GRIN3B: variants seen among roughly 807,000 people sequenced by gnomAD.
GRIN3B encodes the protein glutamate receptor ionotropic, NMDA 3B.
A neutral mutation model predicts 66.0 loss-of-function variants in GRIN3B; 77 were observed. The ratio of observed to expected loss-of-function variants is 1.17; its 90% CI spans 0.97 to 1.41. The LOEUF (loss-of-function observed/expected upper bound fraction) is 1.41. Ranked by LOEUF, GRIN3B falls within the 40% of genes most tolerant of loss-of-function variation. GRIN3B has a pLI of 0.00. For synonymous variants in GRIN3B, 823 were observed against 749.7 expected, an observed-to-expected ratio of 1.10 and a Z score of -1.60; for missense variants, 1,787 against 1,564.5, an observed-to-expected ratio of 1.14 and a Z score of -2.40.
At chr19:1,006,225 T>C (rs1022007977) in intron 3 of GRIN3B, among the ~76,000 whole-genome samples, 1 of 151,714 alleles carries the variant, frequency 6.6e-6, no homozygotes, top group African/African-American at 2.4e-5. Context: ...CTTGGCTCAC[T>C]GCAACCTCTG....
At chr19:1,002,677 G>C (rs989682134) in intron 1 of GRIN3B, 12 of 157,168 alleles carry the variant, frequency 7.6e-5, no homozygotes, top group Non-Finnish European at 1.4e-4. Context: ...AGGCAGGTGG[G>C]TGCCAGGTGA....
At position 1,009,544 on chromosome 19, in the gene GRIN3B, C is replaced by A. The variant is rs764888684; in HGVS notation, c.3074C>A (p.Ala1025Asp). 6 of 1,476,502 alleles carry A rather than the reference C, an allele frequency of 4.1e-6. No individual in the cohort carries two copies. In the South Asian group the frequency reaches 5.2e-5, roughly 13 times the overall value. 91.5% of individuals were successfully genotyped at this position (1,476,502 alleles called of 1,614,324 possible). The change falls in exon 9 of 9, where the codon GCC becomes GAC. Residue 1025 changes from alanine to aspartate, a missense_variant. Coordinates refer to ENST00000234389, the MANE Select transcript of GRIN3B (RefSeq NM_138690.3). ...CACCGGCCTCGGCGCTTGCTTCAGG[C>A]CAGAGCGGCCCCCGCGGAGGCCCCA... The part of the protein sequence containing the change: ...ARHRPRRLLQ[A>D]RAAPAEAPPH...
rs780479147 is a variant in GRIN3B, at chr19:1,008,649, G to T, written c.2498G>T (p.Gly833Val). 3 of 1,602,526 alleles carry T rather than the reference G, an allele frequency of 1.9e-6. No homozygotes were observed. Among genetic ancestry groups the T allele is most frequent in the South Asian group, 2.2e-5 (2 of 91,074 alleles). The change falls in exon 7 of 9, where the codon GGC becomes GTC. Residue 833 changes from glycine (G) to valine (V), a missense_variant. Coordinates refer to ENST00000234389, the MANE Select transcript of GRIN3B (RefSeq NM_138690.3). The stretch of plus-strand genomic sequence containing the variant: ...CAGATGAGCATCTACCACTTCGCGG[G>T]CCTCTTCGTGTTGCTGTGCCTGGGC... Reference protein sequence around the residue: ...TLQMSIYHFAGLFVLLCLGLG... With the variant: ...TLQMSIYHFAVLFVLLCLGLG...
chr19:1,004,918 C>T lies in GRIN3B; in HGVS notation c.1417C>T (p.Arg473Cys), dbSNP rs754737058. Residue 473 changes from arginine to cysteine, a missense_variant, in exon 3 of 9, where the codon CGC becomes TGC. Arg to Cys is a radical substitution (Grantham distance 180). Transcript: ENST00000234389. ...CAACGGCTCAGCGCCCCGTGCCCTG[C>T]GCAAGTGCTGCTACGGCTACTGCAT... is the stretch of plus-strand genomic sequence containing the variant. ...LANGSAPRAL[R>C]KCCYGYCIDL... is the part of the protein sequence containing the mutation. 89 of 1,611,798 alleles carry T rather than the reference C, an allele frequency of 5.5e-5. No individual in the cohort carries two copies. The highest frequency in any genetic ancestry group is 1.1e-4 in the African/African-American group (8 of 74,934).
chr19:1,003,383 G>A lies in GRIN3B; in HGVS notation c.680G>A (p.Gly227Glu), dbSNP rs764485174. The change falls in exon 2 of 9, where the codon GGG becomes GAG. Residue 227 changes from glycine to glutamate, a missense_variant. Transcript: ENST00000234389. ...CTGGCCCCGATGGCGGCGCCAGTGG[G>A]GGGTGAAGCACCGGTACCCGCGGCG... Reference protein sequence around the residue: ...ARLAPMAAPVGGEAPVPAAVL... With the variant: ...ARLAPMAAPVEGEAPVPAAVL... 21 of 1,566,900 alleles carry A rather than the reference G, an allele frequency of 1.3e-5. No individual in the cohort carries two copies. The highest frequency in any genetic ancestry group is 1.5e-5 in the Non-Finnish European group (18 of 1,161,874).
Position 1,002,802 on chromosome 19 carries a change from G to C in GRIN3B, c.427-328G>C, listed in dbSNP as rs886538880. ...TGAATAGAGGAGGAGCAATGTGCTT[G>C]GGTTTTGAAGGATGTGTAGGAGTTG... On this transcript the variant is annotated intron_variant, in intron 1 of 8. Coordinates refer to ENST00000234389, the MANE Select transcript of GRIN3B (RefSeq NM_138690.3). The C allele has an allele frequency of 4.4e-5, 12 of 271,228 alleles. No homozygotes were observed. The East Asian group carries it at 6.9e-4, about 15-fold the overall frequency. The allele number at this position is 271,228 out of a possible 1,614,324, so 16.8% of individuals were successfully genotyped here.
chr19:1,009,004 C>T, intron 8 of GRIN3B, 77 bp downstream of exon 8: 2 of 1,523,208 alleles, frequency 1.3e-6, no homozygotes, highest in Non-Finnish European at 1.8e-6. Flanking sequence ...CGAAGCCGGC[C>T]GCGGGGTGCA....
At chr19:1,006,375 G>A (rs189426034) in intron 3 of GRIN3B, among the ~76,000 whole-genome samples, 43 of 152,052 alleles carry the variant, frequency 2.8e-4, no homozygotes, top group African/African-American at 1.0e-3. Context: ...TCGAACCCCT[G>A]ACCTCGTGAT....
In GRIN3B at chr19:1,004,852, A is replaced by G. The variant is rs1455277873; in HGVS notation, c.1351A>G (p.Asn451Asp). 1.2e-6 allele frequency: 2 copies of G among 1,611,292 alleles called. No individual in the cohort carries two copies. Among genetic ancestry groups the G allele is most frequent in the Non-Finnish European group, 1.7e-6 (2 of 1,178,858 alleles). ...GCAGCTGTGCCTGGACCCTGGCACC[A>G]ACGACTCGGCCACCCTGGACGCACT... The part of the protein sequence containing the change: ...AGQLCLDPGT[N>D]DSATLDALFA... The change falls in exon 3 of 9, where the codon AAC (asparagine) becomes GAC (aspartate). Residue 451 changes from asparagine (N) to aspartate (D), a missense_variant. Asn to Asp is a conservative substitution (Grantham distance 23, BLOSUM62 1). Transcript: ENST00000234389.
In GRIN3B at chr19:1,003,322, C is replaced by T. The variant is rs375724549; in HGVS notation, c.619C>T (p.Arg207Trp). 7.4e-5 allele frequency: 116 copies of T among 1,572,666 alleles called. No individual in the cohort carries two copies. Among genetic ancestry groups the T allele is most frequent in the African/African-American group, 2.6e-4 (19 of 73,122 alleles). The part of the protein sequence containing the change: ...RPPQLVLDLS[R>W]RDTGDAGLRA... The stretch of plus-strand genomic sequence containing the variant: ...CCCACAGCTGGTCCTGGACCTAAGC[C>T]GGCGGGACACGGGAGATGCAGGACT... Residue 207 changes from arginine (R) to tryptophan (W), a missense_variant, in exon 2 of 9, where the codon CGG (arginine) becomes TGG (tryptophan). By Grantham distance (101) the Arg-to-Trp change is moderately radical. Coordinates refer to ENST00000234389, the MANE Select transcript of GRIN3B (RefSeq NM_138690.3).
At chr19:1,002,368 A>G (rs2038692872) in intron 1 of GRIN3B, among the ~76,000 whole-genome samples, 1 of 129,256 alleles carries the variant, frequency 7.7e-6, no homozygotes, top group Non-Finnish European at 1.6e-5. Flanking sequence ...AAATACAAAA[A>G]AAAAAAAAAA....
chr19:1,008,516 C>G, intron 6 of GRIN3B, 102 bp from the exon 7 acceptor site: 1 of 1,391,394 alleles, frequency 7.2e-7, no homozygotes, highest in South Asian at 1.3e-5. Context: ...CTCCACTGCC[C>G]CAAGCCCCTC....
rs1201102695 is a variant in GRIN3B at position 1,000,650 on chromosome 19, C to T, written c.213C>T (p.Ser71=). 7.7e-7 allele frequency: 1 copy of T among 1,303,770 alleles called. No individual in the cohort carries two copies. Among genetic ancestry groups the T allele is most frequent in the Non-Finnish European group, 9.8e-7 (1 of 1,023,618 alleles). The allele number at this position is 1,303,770 out of a possible 1,614,324, so 80.8% of individuals were successfully genotyped here. The change falls in exon 1 of 9, where the codon AGC becomes AGT. Residue 71 remains serine (S), a synonymous_variant. Coordinates refer to ENST00000234389, the MANE Select transcript of GRIN3B (RefSeq NM_138690.3). ...CGCCGCGGCTGCCGCACAACCTGAG[C>T]TTGGAGCTGGTGGTCGCCGCGCCCC... is the stretch of plus-strand genomic sequence containing the variant. ...ALAPRLPHNL[S]LELVVAAPPA...
Position 1,009,589 on chromosome 19 carries a change from G to T in GRIN3B, c.3119G>T (p.Gly1040Val), listed in dbSNP as rs1225297384. 7.0e-7 allele frequency: 1 copy of T among 1,436,682 alleles called. No individual in the cohort carries two copies. The highest frequency in any genetic ancestry group is 9.1e-7 in the Non-Finnish European group (1 of 1,100,688). The allele number at this position is 1,436,682 out of a possible 1,614,324, so 89.0% of individuals were successfully genotyped here. ...GCCCCACCACACTCTGGCCGACCGG[G>T]GAGCCAGGAATGAGGCGGCAGCCGG... ...AEAPPHSGRPGSQE is the reference protein window; with the variant it reads ...AEAPPHSGRPVSQE The change falls in exon 9 of 9, where the codon GGG becomes GTG. Residue 1040 changes from glycine (G) to valine (V), a missense_variant. Physicochemically the swap from Gly to Val is moderately radical, Grantham distance 109. Transcript: ENST00000234389.
At position 1,007,708 on chromosome 19, in the gene GRIN3B, C is replaced by G. The variant is rs993653927; in HGVS notation, c.2133C>G (p.Pro711=). The G allele has an allele frequency of 6.5e-7, 1 of 1,537,114 alleles. No homozygotes were observed. Among genetic ancestry groups the G allele is most frequent in the South Asian group, 1.2e-5 (1 of 82,306 alleles). ...SAEAYIKKSF[P]DMHAHMRRHS... ...AGGCGTACATCAAGAAGAGCTTCCC[C>G]GACATGCACGCACACATGCGGCGCC... The change falls in exon 4 of 9, where the codon CCC becomes CCG. Residue 711 remains proline, a synonymous_variant. Transcript: ENST00000234389. The surrounding 1 kb of genome is among the most constrained non-coding windows in gnomAD (Gnocchi z 4.4).
chr19:1,006,604 C>T (rs111436542), intron 3 of GRIN3B, among the ~76,000 whole-genome samples: 62 of 152,282 alleles, frequency 4.1e-4, no homozygotes, highest in African/African-American at 1.3e-3. Flanking sequence ...CGTGCCCGGC[C>T]TCCCCTTGTA....
chr19:1,003,616 G>C lies in GRIN3B; in HGVS notation c.913G>C (p.Gly305Arg). 6.9e-7 allele frequency: 1 copy of C among 1,448,742 alleles called. No individual in the cohort carries two copies. Among genetic ancestry groups the C allele is most frequent in the Non-Finnish European group, 9.0e-7 (1 of 1,105,338 alleles). The allele number at this position is 1,448,742 out of a possible 1,614,324, so 89.7% of individuals were successfully genotyped here. ...DIVQLVARALGSAAQVQPKRA... is the reference protein window; with the variant it reads ...DIVQLVARALRSAAQVQPKRA... ...TGTGCAACTGGTGGCCCGGGCGCTG[G>C]GCAGTGCGGCCCAGGTGCAGCCGAA... The change falls in exon 2 of 9, where the codon GGC becomes CGC. Residue 305 changes from glycine to arginine, a missense_variant. By Grantham distance (125) the Gly-to-Arg change is moderately radical. Coordinates refer to ENST00000234389, the MANE Select transcript of GRIN3B (RefSeq NM_138690.3).
Position 1,009,258 on chromosome 19 carries a change from A to T in GRIN3B, c.2788A>T (p.Lys930Ter). The change falls in exon 9 of 9, where the codon AAG becomes TAG. Residue 930 changes from lysine (K) to a stop codon, truncating the protein, a stop_gained. Transcript: ENST00000234389. LOFTEE classifies it low-confidence loss of function (END_TRUNC). ...GWKRARRAVD[K>*]ERRVRFLLEP... Reference sequence around the variant, plus strand: ...GAAACGGGCGCGCCGGGCCGTGGACAAGGAGCGCCGCGTGCGCTTCCTGCT... The same window carrying T: ...GAAACGGGCGCGCCGGGCCGTGGACTAGGAGCGCCGCGTGCGCTTCCTGCT... 1 of 1,431,276 alleles carries T rather than the reference A, an allele frequency of 7.0e-7. No individual in the cohort carries two copies. The highest frequency in any genetic ancestry group is 9.1e-7 in the Non-Finnish European group (1 of 1,103,650). The allele number at this position is 1,431,276 out of a possible 1,614,324, so 88.7% of individuals were successfully genotyped here.
Position 1,007,944 on chromosome 19 carries a change from A to G in GRIN3B, c.2287A>G (p.Thr763Ala). The G allele has an allele frequency of 6.2e-7, 1 of 1,612,068 alleles. No individual in the cohort carries two copies. The change falls in exon 5 of 9, where the codon ACC (threonine) becomes GCC (alanine). Residue 763 changes from threonine (T) to alanine (A), a missense_variant. Coordinates refer to ENST00000234389, the MANE Select transcript of GRIN3B (RefSeq NM_138690.3). This position sits in a 1 kb window ranked among gnomAD's most constrained non-coding sequence, Gnocchi z 4.4. ...CATCGACGCCGACTGCAAACTGCTG[A>G]CCGTGGGAAAGCCCTTCGCCATTGA... ...VSIDADCKLL[T>A]VGKPFAIEGY...
Sources: gnomAD v4.1 joint callset for allele counts (sites outside exome capture counted in the v4.1 genomes callset) on GRCh38, gnomAD v4.1.1 for gene constraint, Gnocchi (gnomAD v3.1) non-coding constraint, MANE v1.5 for transcripts, NCBI Gene and HGNC (gene_info 2026-07-23, HGNC 2026-07-21) for gene names.